Variants in CRACD observed in about 807,000 individuals in gnomAD.
The protein encoded by CRACD is capping protein-inhibiting regulator of actin dynamics.
In CRACD, 56 loss-of-function variants were observed where a neutral mutation model predicts 106.8. The ratio of observed to expected loss-of-function variants is 0.52; its 90% CI spans 0.42 to 0.66. CRACD has a LOEUF of 0.66. CRACD is among the 30% of genes least tolerant of loss of function. The pLI, the probability that CRACD is intolerant of heterozygous loss-of-function variation, is 0.00. For missense variants in CRACD, 1,730 were observed against 1,623.2 expected, an observed-to-expected ratio of 1.07 and a Z score of -1.13; for synonymous variants, 754 against 670.8, an observed-to-expected ratio of 1.12 and a Z score of -1.92.
At chr4:56,142,886 C>G (rs1735254658) in intron 1 of CRACD, among the ~76,000 whole-genome samples, 3 of 152,066 alleles carry the variant, frequency 2.0e-5, no homozygotes, top group African/African-American at 7.2e-5. Context: ...TAACATGCCT[C>G]TATGATTATT....
intron 6 of CRACD, 61 bp downstream of exon 6, chr4:56,310,795 C>A: frequency 2.4e-5 from 23 of 966,712 alleles, no homozygotes; most frequent in Non-Finnish European, 2.8e-5. Context: ...ATCTTCCCCC[C>A]CCCTTTTTTT....
At chr4:56,077,619 T>C (rs963808405) in intron 1 of CRACD, among the ~76,000 whole-genome samples, 3 of 152,210 alleles carry the variant, frequency 2.0e-5, no homozygotes. Flanking sequence ...ATAGATAATG[T>C]TTTTGATATA....
chr4:56,301,339 A>G, intron 4 of CRACD: 1 of 872,852 alleles, frequency 1.1e-6, no homozygotes, highest in South Asian at 1.5e-5. Flanking sequence ...ATGCTTAGTA[A>G]GCAGCCTAAG....
At chr4:56,209,182 C>G (rs1738277940) in intron 2 of CRACD, among the ~76,000 whole-genome samples, 1 of 152,150 alleles carries the variant, frequency 6.6e-6, no homozygotes, top group African/African-American at 2.4e-5. Context: ...ACCAGATTCC[C>G]ATAACCCTTT....
intron 1 of CRACD, among the ~76,000 whole-genome samples, chr4:56,060,767 T>G (rs898999122): frequency 6.6e-6 from 1 of 152,084 alleles, no homozygotes. Context: ...ATAATGGTCG[T>G]GAGGGTGGAA....
chr4:56,228,142 C>CG (rs1739411381), intron 2 of CRACD, among the ~76,000 whole-genome samples: 1 of 152,138 alleles, frequency 6.6e-6, no homozygotes, highest in Admixed American at 6.5e-5. Context: ...CCCCTAACCC[C>CG]GGTCATTTCA....
At chr4:56,277,997 G>T (rs1742775918) in intron 3 of CRACD, among the ~76,000 whole-genome samples, 1 of 152,158 alleles carries the variant, frequency 6.6e-6, no homozygotes, top group Non-Finnish European at 1.5e-5. Context: ...ATCATTGAAA[G>T]AAATTAAAGA....
intron 2 of CRACD, among the ~76,000 whole-genome samples, chr4:56,194,089 A>G (rs1017575725): frequency 1.3e-5 from 2 of 152,146 alleles, no homozygotes; most frequent in South Asian, 2.1e-4. Flanking sequence ...CTATCTCTTT[A>G]CTAGTATTCC....
Position 56,327,900 on chromosome 4 carries a change from G to C in CRACD, c.*96G>C, listed in dbSNP as rs1317777751. 4.6e-6 allele frequency: 5 copies of C among 1,094,770 alleles called. No homozygotes were observed. In the African/African-American group the frequency reaches 6.4e-5, roughly 14 times the overall value. 67.8% of individuals were successfully genotyped at this position (1,094,770 alleles called of 1,614,324 possible). ...TATATGGGGTAAAGAAATCAAGCTA[G>C]GGAAAAGAAGCATGTTTTATAGGCT... On this transcript the variant is annotated 3_prime_UTR_variant, in exon 11 of 11. Coordinates refer to ENST00000682029, the MANE Select transcript of CRACD (RefSeq NM_001393381.1).
intron 3 of CRACD, among the ~76,000 whole-genome samples, chr4:56,289,747 T>C (rs937729684): frequency 2.0e-5 from 3 of 151,576 alleles, no homozygotes; most frequent in Non-Finnish European, 4.4e-5. Context: ...ACATTTGCAA[T>C]CGTGGGTGAA....
chr4:56,186,210 A>G (rs1411605894), intron 2 of CRACD, among the ~76,000 whole-genome samples: 2 of 152,194 alleles, frequency 1.3e-5, no homozygotes, highest in Non-Finnish European at 2.9e-5. Context: ...GTGATGGTAG[A>G]AGAGCTCTTG....
chr4:56,167,659 T>C (rs1175090284), intron 1 of CRACD, among the ~76,000 whole-genome samples: 2 of 152,238 alleles, frequency 1.3e-5, no homozygotes, highest in Non-Finnish European at 1.5e-5. Context: ...CATAAGGTCC[T>C]CTAATTTCAT....
At chr4:56,301,625 C>T (rs961959946) in intron 4 of CRACD, among the ~76,000 whole-genome samples, 3 of 151,920 alleles carry the variant, frequency 2.0e-5, no homozygotes, top group Non-Finnish European at 4.4e-5. Context: ...TAGAGACCCA[C>T]GGAAGGGTGT....
At chr4:56,255,685 AG>A (rs1741315453) in intron 2 of CRACD, among the ~76,000 whole-genome samples, 2 of 152,160 alleles carry the variant, frequency 1.3e-5, no homozygotes, top group Admixed American at 1.3e-4. Context: ...TGAAATTTCT[AG>A]GGGTCTAGGG....
intron 2 of CRACD, among the ~76,000 whole-genome samples, chr4:56,259,716 T>C (rs59254895): frequency 0.12 from 18,320 of 151,982 alleles, 2,137 homozygotes; most frequent in African/African-American, 0.3. Flanking sequence ...TTCCATTGAA[T>C]TGGAAGCTGA....
In CRACD at chr4:56,235,980, T is replaced by C. The variant is rs563114025; in HGVS notation, c.-188-36341T>C. On this transcript the variant is annotated intron_variant, in intron 2 of 10. Coordinates refer to ENST00000682029, the MANE Select transcript of CRACD (RefSeq NM_001393381.1). ...ATCTGGGCCTCCACCACAGCCTGAG[T>C]TATCTGCGCTGGGTAGCTGGTGGCT... Among the ~76,000 whole-genome samples, 55 of 152,180 alleles carry C rather than the reference T, an allele frequency of 3.6e-4. No homozygotes were observed. In the South Asian group the frequency reaches 0.011, roughly 30 times the overall value.
At chr4:56,071,453 A>G (rs534918585) in intron 1 of CRACD, among the ~76,000 whole-genome samples, 33 of 151,380 alleles carry the variant, frequency 2.2e-4, no homozygotes, top group African/African-American at 8.0e-4. Flanking sequence ...CTCTGCCTTA[A>G]TATGTTGTGA....
chr4:56,133,006 AT>A (rs1286045485), intron 1 of CRACD, among the ~76,000 whole-genome samples: 1 of 152,028 alleles, frequency 6.6e-6, no homozygotes, highest in Non-Finnish European at 1.5e-5. Flanking sequence ...TATCTGACCT[AT>A]TTTTTTGCAA....
chr4:56,324,159 A>T lies in CRACD; in HGVS notation c.3434A>T (p.His1145Leu), dbSNP rs766720563. The T allele has an allele frequency of 1.1e-5, 18 of 1,614,182 alleles. No homozygotes were observed. The highest frequency in any genetic ancestry group is 1.2e-5 in the Non-Finnish European group (14 of 1,179,986). Reference protein sequence around the residue: ...SSSVSRAGSLHKSTALPEEKR... With the variant: ...SSSVSRAGSLLKSTALPEEKR... ...AGTGTCAGCAGAGCAGGTTCCCTGC[A>T]CAAGTCCACTGCTCTGCCAGAAGAG... is the stretch of plus-strand genomic sequence containing the variant. Residue 1145 changes from histidine (H) to leucine (L), a missense_variant, in exon 10 of 11, where the codon CAC becomes CTC. Transcript: ENST00000682029.
Sources: gnomAD v4.1 joint callset for allele counts (sites outside exome capture counted in the v4.1 genomes callset) on GRCh38, gnomAD v4.1.1 for gene constraint, MANE v1.5 for transcripts, NCBI Gene and HGNC (gene_info 2026-07-23, HGNC 2026-07-21) for gene names.